Variants in ZNF232 observed in about 807,000 individuals in gnomAD.
ZNF232 encodes zinc finger protein 232, also known as zinc finger and SCAN domain-containing protein 11.
A neutral mutation model predicts 25.2 loss-of-function variants in ZNF232; 25 were observed. That is an observed-to-expected ratio of 0.99 (90% CI 0.72 to 1.39). The LOEUF (loss-of-function observed/expected upper bound fraction) is 1.39, where lower values mean the gene tolerates loss of function less well. Among genes scored for constraint, ZNF232 ranks in the 40% most tolerant of loss-of-function variants. The pLI, the probability that ZNF232 is intolerant of heterozygous loss-of-function variation, is 0.00. For missense variants in ZNF232, 519 were observed against 520.9 expected (o/e 1.00, Z 0.04); for synonymous variants, 193 against 182.9 (o/e 1.06, Z -0.45).
intron 3 of ZNF232, among the ~76,000 whole-genome samples, chr17:5,108,268 G>A (rs1435506578): frequency 6.6e-6 from 1 of 152,220 alleles, no homozygotes; most frequent in Non-Finnish European, 1.5e-5. Context: ...TCAACAAGGA[G>A]AGTTCACGCC....
At chr17:5,115,624 T>C (rs2072517017), upstream of ZNF232, among the ~76,000 whole-genome samples, 1 of 151,650 alleles carries the variant, frequency 6.6e-6, no homozygotes, top group Non-Finnish European at 1.5e-5. Flanking sequence ...AGGGATTGAT[T>C]TGTGATGCCT....
chr17:5,116,156 G>A (rs933473309), upstream of ZNF232, among the ~76,000 whole-genome samples: 11 of 152,192 alleles, frequency 7.2e-5, no homozygotes, highest in African/African-American at 2.2e-4. Flanking sequence ...CTTGGCGGCC[G>A]CGCCCATGCT....
At chr17:5,116,071 C>T (rs189393349), upstream of ZNF232, among the ~76,000 whole-genome samples, 354 of 152,346 alleles carry the variant, frequency 2.3e-3, no homozygotes, top group African/African-American at 7.8e-3. Flanking sequence ...GGCCCCGACG[C>T]CCAGCTCCAA....
At chr17:5,110,558 C>G (rs2072378474) in intron 1 of ZNF232, among the ~76,000 whole-genome samples, 2 of 152,232 alleles carry the variant, frequency 1.3e-5, no homozygotes, top group Non-Finnish European at 2.9e-5. Context: ...AGGCAGCCTC[C>G]TCTGAGATGG....
At chr17:5,118,172 G>GT (rs2072576947) in intron 1 of ZNF232, 1 of 152,348 alleles carries the variant, frequency 6.6e-6, no homozygotes, top group South Asian at 2.1e-4. Flanking sequence ...AGGGATGGTA[G>GT]TGACAGTCTT....
upstream of ZNF232, chr17:5,113,739 G>T (rs1327849102): frequency 6.6e-6 from 1 of 152,060 alleles, no homozygotes; most frequent in East Asian, 1.9e-4. Context: ...TAGAGTTCAG[G>T]ATATCATACC....
chr17:5,120,674 G>T (rs1215474730), intron 1 of ZNF232: 1 of 404,838 alleles, frequency 2.5e-6, no homozygotes, highest in East Asian at 7.0e-5. Flanking sequence ...TCAGTGTGAA[G>T]ATGGACACTG....
upstream of ZNF232, chr17:5,111,862 C>T (rs776881958): frequency 6.8e-6 from 11 of 1,612,666 alleles, no homozygotes; most frequent in Non-Finnish European, 7.6e-6. Flanking sequence ...CAGCCCTCAC[C>T]CCAGGGGCAG....
chr17:5,118,063 C>T (rs535401879), intron 1 of ZNF232: 45 of 143,504 alleles, frequency 3.1e-4, no homozygotes, highest in African/African-American at 1.1e-3. Flanking sequence ...AGTGGGACTC[C>T]GTCTCAAAAA....
chr17:5,114,038 A>C (rs956579263), upstream of ZNF232: 1 of 152,264 alleles, frequency 6.6e-6, no homozygotes, highest in African/African-American at 2.4e-5. Context: ...TATACACTGA[A>C]TCAGATGAAA....
upstream of ZNF232, chr17:5,116,587 G>A (rs1428036074): frequency 6.6e-6 from 1 of 152,340 alleles, no homozygotes; most frequent in South Asian, 2.1e-4. Flanking sequence ...GTGGCCCGTG[G>A]AGGCACTAGA....
exon 2 of ZNF232, chr17:5,109,841 A>G: frequency 6.2e-7 from 1 of 1,611,090 alleles, no homozygotes; most frequent in Non-Finnish European, 8.5e-7. Flanking sequence ...CAGAAGGCTC[A>G]TACCAGCTGG....
chr17:5,116,509 T>G (rs923886018), upstream of ZNF232: 1 of 152,314 alleles, frequency 6.6e-6, no homozygotes, highest in Non-Finnish European at 1.5e-5. Flanking sequence ...AAAAGGCCAG[T>G]GCCTGTCCGG....
chr17:5,119,550 G>A (rs766922258), intron 1 of ZNF232, among the ~76,000 whole-genome samples: 8 of 152,172 alleles, frequency 5.3e-5, no homozygotes, highest in Non-Finnish European at 7.3e-5. Flanking sequence ...TTCCAGTCCA[G>A]TTCCCATCTT....
chr17:5,115,306 C>CT (rs2072503840), upstream of ZNF232, among the ~76,000 whole-genome samples: 1 of 152,050 alleles, frequency 6.6e-6, no homozygotes, highest in South Asian at 2.1e-4. Flanking sequence ...AATTCCAGCA[C>CT]TTTGCGAGGC....
chr17:5,119,794 CAGCTG>C (rs1262798152), intron 1 of ZNF232, among the ~76,000 whole-genome samples: 1 of 152,192 alleles, frequency 6.6e-6, no homozygotes, highest in African/African-American at 2.4e-5. Flanking sequence ...GCCATCATCT[CAGCTG>C]ATAAACAGCT....
At chr17:5,111,951 T>C (rs1173507534), upstream of ZNF232, 9 of 1,391,538 alleles carry the variant, frequency 6.5e-6, no homozygotes, top group Admixed American at 9.8e-5. Context: ...TCGCGGACTT[T>C]GGCCCAGGCG....
intron 1 of ZNF232, among the ~76,000 whole-genome samples, chr17:5,110,741 A>C (rs558952287): frequency 1.9e-4 from 29 of 152,318 alleles, no homozygotes; most frequent in African/African-American, 7.0e-4. Flanking sequence ...TGTAAACCAA[A>C]AAAGCATCTG....
intron 3 of ZNF232, among the ~76,000 whole-genome samples, chr17:5,107,542 ACT>A (rs2072291202): frequency 1.9e-5 from 1 of 51,770 alleles, no homozygotes; most frequent in Non-Finnish European, 6.9e-5. Flanking sequence ...AGGTCATTTG[ACT>A]TTTTTTTTTT....
Sources: gnomAD v4.1 joint callset for allele counts (sites outside exome capture counted in the v4.1 genomes callset) on GRCh38, gnomAD v4.1.1 for gene constraint, MANE v1.5 for transcripts, NCBI Gene and HGNC (gene_info 2026-07-23, HGNC 2026-07-21) for gene names.